Variants in PNPLA7 observed in about 807,000 individuals in gnomAD.
PNPLA7 encodes patatin like domain 7, lysophospholipase.
Under a neutral mutation model 161.7 loss-of-function variants are expected in PNPLA7, and 153 were observed. The observed-to-expected ratio is 0.95, with a 90% CI of 0.83 to 1.08. PNPLA7 has a LOEUF of 1.08. PNPLA7 is among the 50% of genes least tolerant of loss of function. PNPLA7 has a pLI of 0.00. For missense variants in PNPLA7, 1,739 were observed against 1,856.6 expected, an observed-to-expected ratio of 0.94 and a Z score of 1.16; for synonymous variants, 809 against 782.1, an observed-to-expected ratio of 1.03 and a Z score of -0.57.
chr9:137,481,306 G>A (rs1225345885), intron 21 of PNPLA7, among the ~76,000 whole-genome samples: 1 of 152,170 alleles, frequency 6.6e-6, no homozygotes, highest in African/African-American at 2.4e-5. Context: ...TCTGAGCCTC[G>A]GTCCCCTCCA....
chr9:137,460,526 C>G lies in PNPLA7; in HGVS notation c.3946-50G>C, dbSNP rs1831125317. The stretch of plus-strand genomic sequence containing the variant: ...GTGAGGACCAGGCAGGGCAGGGGCT[C>G]TGCAGCGCTGGTAACCCGGTGGGAC... On this transcript the variant is annotated intron_variant, in intron 34 of 34. Transcript: ENST00000406427. The G allele has an allele frequency of 1.9e-6, 3 of 1,605,744 alleles. No individual in the cohort carries two copies. The East Asian group carries it at 6.7e-5, about 36-fold the overall frequency.
intron 30 of PNPLA7, 31 bp from the exon 31 acceptor site, chr9:137,462,362 G>A: frequency 6.4e-7 from 1 of 1,571,356 alleles, no homozygotes; most frequent in South Asian, 1.2e-5. Context: ...TGAGTCTCCT[G>A]CCCCGGCCCC....
At chr9:137,463,345 G>T in intron 29 of PNPLA7, 70 bp downstream of exon 29, 1 of 1,356,282 alleles carries the variant, frequency 7.4e-7, no homozygotes, top group Non-Finnish European at 1.0e-6. Flanking sequence ...GGCAGCTGTG[G>T]CAGGGGCCGT....
intron 11 of PNPLA7, among the ~76,000 whole-genome samples, chr9:137,518,275 G>C (rs1834748434): frequency 1.5e-5 from 2 of 129,852 alleles, no homozygotes; most frequent in Admixed American, 1.6e-4. Context: ...ACTCCACTCT[G>C]CTCACTCCAT....
chr9:137,463,543 G>C lies in PNPLA7; in HGVS notation c.3227-12C>G. On this transcript the variant is annotated splice_polypyrimidine_tract_variant and intron_variant, in intron 28 of 34. Coordinates refer to ENST00000406427, the MANE Select transcript of PNPLA7 (RefSeq NM_001098537.3). ...CCACCACAGGGAGCCTGGGGAGGGG[G>C]CCCGGAGCTGCTGGTTACCCGGAGG... The C allele has an allele frequency of 1.9e-6, 3 of 1,556,286 alleles. No homozygotes were observed. Among genetic ancestry groups the C allele is most frequent in the Non-Finnish European group, 2.6e-6 (3 of 1,146,110 alleles).
intron 8 of PNPLA7, among the ~76,000 whole-genome samples, chr9:137,532,234 G>A (rs1835619035): frequency 1.3e-5 from 2 of 152,180 alleles, no homozygotes; most frequent in Admixed American, 1.3e-4. Flanking sequence ...GTCAGGAGTT[G>A]AAGACCAGCC....
intron 12 of PNPLA7, among the ~76,000 whole-genome samples, chr9:137,514,232 G>A (rs1406747440): frequency 3.4e-5 from 5 of 147,266 alleles, no homozygotes; most frequent in African/African-American, 7.6e-5. Flanking sequence ...TGATGTGCCC[G>A]GGCCCTGTGG....
intron 18 of PNPLA7, among the ~76,000 whole-genome samples, chr9:137,496,333 C>T (rs1450345649): frequency 1.3e-5 from 2 of 151,694 alleles, no homozygotes; most frequent in South Asian, 2.1e-4. Flanking sequence ...TCTCGAACTC[C>T]CAACCTCAGG....
At chr9:137,542,268 T>G (rs1044287887) in intron 7 of PNPLA7, among the ~76,000 whole-genome samples, 1 of 152,084 alleles carries the variant, frequency 6.6e-6, no homozygotes, top group Non-Finnish European at 1.5e-5. Flanking sequence ...CAGGAATTGC[T>G]GATGAGCCCG....
chr9:137,533,981 G>GTC, intron 8 of PNPLA7, among the ~76,000 whole-genome samples: 1 of 145,294 alleles, frequency 6.9e-6, no homozygotes, highest in African/African-American at 2.6e-5. Context: ...CCACAACAGT[G>GTC]TATACTCCAG....
chr9:137,494,994 C>T, intron 19 of PNPLA7, 39 bp downstream of exon 19: 1 of 1,553,800 alleles, frequency 6.4e-7, no homozygotes, highest in Non-Finnish European at 8.8e-7. Context: ...CCACTCCACA[C>T]CCTCATCCGC....
intron 14 of PNPLA7, among the ~76,000 whole-genome samples, chr9:137,502,737 C>CGCGGGGGAT (rs1554767775): frequency 7.9e-5 from 5 of 62,944 alleles, no homozygotes; most frequent in South Asian, 5.8e-4. Context: ...ACGGGGGGGA[C>CGCGGGGGAT]GAGAGGGATG....
intron 12 of PNPLA7, among the ~76,000 whole-genome samples, chr9:137,506,883 A>C (rs1478723136): frequency 6.6e-6 from 1 of 152,262 alleles, no homozygotes; most frequent in Non-Finnish European, 1.5e-5. Context: ...AGTCATCTGC[A>C]CTGCGGTTTC....
At chr9:137,533,338 T>C (rs550077739) in intron 8 of PNPLA7, among the ~76,000 whole-genome samples, 21 of 125,108 alleles carry the variant, frequency 1.7e-4, no homozygotes, top group African/African-American at 6.4e-4. Context: ...ACCCCCAGAC[T>C]CCTCCCCAAG....
intron 8 of PNPLA7, among the ~76,000 whole-genome samples, chr9:137,534,585 G>T (rs936702125): frequency 2.0e-5 from 3 of 152,194 alleles, no homozygotes; most frequent in African/African-American, 7.2e-5. Flanking sequence ...AAGACCTACA[G>T]ACCCTGACCT....
At chr9:137,489,645 A>G (rs1206811890) in intron 20 of PNPLA7, among the ~76,000 whole-genome samples, 1 of 152,210 alleles carries the variant, frequency 6.6e-6, no homozygotes. Context: ...AACAAAGACA[A>G]AGAGAGAACG....
chr9:137,542,807 A>G lies in PNPLA7; in HGVS notation c.507-6T>C, dbSNP rs371632247. ...TCTCAAAGTGGCCCAGGACCCTGCA[A>G]GAGCCAGAGGGCACTGTGGGACGCC... On this transcript the variant is annotated splice_region_variant and splice_polypyrimidine_tract_variant and intron_variant, in intron 6 of 34. Coordinates refer to ENST00000406427, the MANE Select transcript of PNPLA7 (RefSeq NM_001098537.3). 3.7e-5 allele frequency: 59 copies of G among 1,609,130 alleles called. 1 individual carries two copies. The highest frequency in any genetic ancestry group is 3.6e-4 in the South Asian group (33 of 90,916).
intron 26 of PNPLA7, chr9:137,464,800 GGCT>G (rs1424511806): frequency 6.5e-6 from 2 of 306,540 alleles, no homozygotes; most frequent in Non-Finnish European, 1.2e-5. Flanking sequence ...CCATGCCCGT[GGCT>G]GGAGGGTCAG....
chr9:137,548,521 G>A (rs1019628192), intron 1 of PNPLA7, among the ~76,000 whole-genome samples: 2 of 152,132 alleles, frequency 1.3e-5, no homozygotes, highest in South Asian at 2.1e-4. Context: ...AGGCTGAGGC[G>A]GGCGGATCAT....
Sources: gnomAD v4.1 joint callset for allele counts (sites outside exome capture counted in the v4.1 genomes callset) on GRCh38, gnomAD v4.1.1 for gene constraint, MANE v1.5 for transcripts, NCBI Gene and HGNC (gene_info 2026-07-23, HGNC 2026-07-21) for gene names.